The following PHACTR1 variants were observed in gnomAD, a reference collection of about 807,000 sequenced individuals.
PHACTR1 encodes the protein phosphatase and actin regulator 1.
Under a neutral mutation model 69.2 loss-of-function variants are expected in PHACTR1, and 16 were observed. That is an observed-to-expected ratio of 0.23 (90% CI 0.16 to 0.35). The LOEUF is 0.35. PHACTR1 is among the 10% of genes least tolerant of loss of function. The pLI is 1.00. For synonymous variants in PHACTR1, 312 were observed against 284.5 expected (o/e 1.10, Z -0.97); for missense variants, 510 against 734.7 (o/e 0.69, Z 3.54).
In PHACTR1 at chr6:12,799,185, C is replaced by T. The variant is rs9472583; in HGVS notation, c.250+49395C>T. 1.6e-3 allele frequency among the ~76,000 whole-genome samples: 248 copies of T among 152,022 alleles called. 1 individual carries two copies. The highest frequency in any genetic ancestry group is 5.8e-3 in the African/African-American group (239 of 41,484). ...CGTGTTTGGTACATGTGATTCAAAT[C>T]AGTTTTGCTCAAGTCATAAGATTCA... is the stretch of plus-strand genomic sequence containing the variant. On this transcript the variant is annotated intron_variant, in intron 4 of 14. Coordinates refer to ENST00000332995, the MANE Select transcript of PHACTR1 (RefSeq NM_030948.6).
intron 4 of PHACTR1, among the ~76,000 whole-genome samples, chr6:12,940,235 A>G (rs568165697): frequency 6.6e-6 from 1 of 152,352 alleles, no homozygotes; most frequent in South Asian, 2.1e-4. Context: ...GATTTTTGGT[A>G]CATGTATTCC....
At chr6:12,768,862 A>ACACACACAC (rs1561864874) in intron 4 of PHACTR1, among the ~76,000 whole-genome samples, 1 of 141,498 alleles carries the variant, frequency 7.1e-6, no homozygotes, top group African/African-American at 2.6e-5. Context: ...ACACACACAC[A>ACACACACAC]ATGGAATACT....
At chr6:12,857,831 G>A (rs1489481533) in intron 4 of PHACTR1, among the ~76,000 whole-genome samples, 1 of 152,066 alleles carries the variant, frequency 6.6e-6, no homozygotes, top group Non-Finnish European at 1.5e-5. Flanking sequence ...AGACTCAATC[G>A]CCTGGCTTCA....
intron 4 of PHACTR1, among the ~76,000 whole-genome samples, chr6:12,806,517 T>A (rs1774349532): frequency 6.6e-6 from 1 of 152,102 alleles, no homozygotes; most frequent in Admixed American, 6.5e-5. Context: ...GGGGTCTTGT[T>A]ATGTTGCCCA....
At chr6:12,725,117 G>A (rs1022199506) in intron 3 of PHACTR1, among the ~76,000 whole-genome samples, 1 of 152,068 alleles carries the variant, frequency 6.6e-6, no homozygotes, top group African/African-American at 2.4e-5. Flanking sequence ...AGTTGTTTTT[G>A]GAAATACAGA....
chr6:13,236,057 A>C (rs74649739), intron 10 of PHACTR1, among the ~76,000 whole-genome samples: 499 of 152,008 alleles, frequency 3.3e-3, no homozygotes, highest in African/African-American at 0.011. Flanking sequence ...CACCCTTGAA[A>C]TATCACCCTC....
At chr6:12,914,783 T>G (rs1170466847) in intron 4 of PHACTR1, among the ~76,000 whole-genome samples, 1 of 152,090 alleles carries the variant, frequency 6.6e-6, no homozygotes, top group Non-Finnish European at 1.5e-5. Flanking sequence ...AAGAGGACTC[T>G]TAAGGGCAGT....
At chr6:13,142,050 C>T (rs1173807057) in intron 5 of PHACTR1, among the ~76,000 whole-genome samples, 2 of 152,074 alleles carry the variant, frequency 1.3e-5, no homozygotes, top group Non-Finnish European at 2.9e-5. Flanking sequence ...ACACAATGTG[C>T]TTAGTGTGCA....
chr6:12,898,857 C>T lies in PHACTR1; in HGVS notation c.250+149067C>T, dbSNP rs577911693. On this transcript the variant is annotated intron_variant, in intron 4 of 14. Transcript: ENST00000332995. Reference sequence around the variant, plus strand: ...CACCCTTCTATGTGTTGATCAGCTCCCCTGCACCGCACTGCAGCCCTGTTC... The same window carrying T: ...CACCCTTCTATGTGTTGATCAGCTCTCCTGCACCGCACTGCAGCCCTGTTC... Among the ~76,000 whole-genome samples, 3 of 152,290 alleles carry T rather than the reference C, an allele frequency of 2.0e-5. No homozygotes were observed. In the South Asian group the frequency reaches 6.2e-4, roughly 32 times the overall value.
At chr6:13,194,271 C>T (rs544514669) in intron 7 of PHACTR1, among the ~76,000 whole-genome samples, 8 of 151,972 alleles carry the variant, frequency 5.3e-5, no homozygotes, top group East Asian at 3.9e-4. Flanking sequence ...GGCGTGGTGG[C>T]GCGTGCCTGT....
intron 4 of PHACTR1, among the ~76,000 whole-genome samples, chr6:12,803,217 C>T (rs755327720): frequency 3.9e-5 from 6 of 152,258 alleles, no homozygotes; most frequent in Non-Finnish European, 8.8e-5. Flanking sequence ...TTCTATGTGT[C>T]AACCCCGCTG....
intron 4 of PHACTR1, among the ~76,000 whole-genome samples, chr6:12,899,568 A>G (rs1392239290): frequency 6.6e-6 from 1 of 152,230 alleles, no homozygotes; most frequent in African/African-American, 2.4e-5. Flanking sequence ...TAAAACAGTC[A>G]GTGACAAGAG....
chr6:12,944,777 A>ATTTATTTAT (rs1554172498), intron 4 of PHACTR1, among the ~76,000 whole-genome samples: 146 of 135,832 alleles, frequency 1.1e-3, no homozygotes, highest in African/African-American at 4.1e-3. Context: ...TTATTTATTT[A>ATTTATTTAT]TTTTTATTTA....
chr6:13,278,755 C>T (rs983883878), intron 12 of PHACTR1, among the ~76,000 whole-genome samples: 4 of 152,032 alleles, frequency 2.6e-5, no homozygotes, highest in East Asian at 3.9e-4. Context: ...GCCAGGAGTT[C>T]GAGACCAGCC....
rs185257805 is a variant in PHACTR1, at chr6:12,737,202, T to G, written c.104-12442T>G. On this transcript the variant is annotated intron_variant, in intron 3 of 14. Transcript: ENST00000332995. ...GGTACAGCCTATTGCTCTAGGCTAC[T>G]AACTTGCACAGCACGTTTTTGTATT... 7.3e-4 allele frequency among the ~76,000 whole-genome samples: 111 copies of G among 152,302 alleles called. 1 individual carries two copies. The highest frequency in any genetic ancestry group is 4.6e-4 in the Admixed American group (7 of 15,284).
At chr6:12,904,992 C>T (rs567756906) in intron 4 of PHACTR1, among the ~76,000 whole-genome samples, 1 of 152,276 alleles carries the variant, frequency 6.6e-6, no homozygotes, top group Non-Finnish European at 1.5e-5. Context: ...GCAGGAAAGT[C>T]CAGTGGAAAG....
intron 5 of PHACTR1, among the ~76,000 whole-genome samples, chr6:13,147,578 C>T (rs567808319): frequency 8.4e-4 from 128 of 152,308 alleles, no homozygotes; most frequent in Non-Finnish European, 1.5e-3. Context: ...TTAAGAGCAA[C>T]CTTCTGCACT....
At chr6:13,114,917 T>G (rs1334173684) in intron 5 of PHACTR1, among the ~76,000 whole-genome samples, 5 of 152,212 alleles carry the variant, frequency 3.3e-5, no homozygotes, top group Non-Finnish European at 7.3e-5. Flanking sequence ...GACTTGGTGC[T>G]AAGTAAACTG....
chr6:13,026,921 T>TA (rs1194036669), intron 4 of PHACTR1, among the ~76,000 whole-genome samples: 1 of 151,558 alleles, frequency 6.6e-6, no homozygotes, highest in African/African-American at 2.4e-5. Context: ...AAAATAAAAA[T>TA]AAAAATAAAA....
Sources: allele counts gnomAD v4.1 joint callset (sites outside exome capture counted in the v4.1 genomes callset), GRCh38; gene constraint gnomAD v4.1.1; transcripts MANE v1.5; gene names NCBI Gene and HGNC (gene_info 2026-07-23, HGNC 2026-07-21).